Variants in WNT7B observed in about 807,000 individuals in gnomAD.
WNT7B encodes Wnt family member 7B.
In WNT7B, 19 loss-of-function variants were observed where a neutral mutation model predicts 38.2. The observed-to-expected ratio is 0.50, with a 90% CI of 0.35 to 0.73. The LOEUF is 0.73. Among genes scored for constraint, WNT7B ranks in the 30% least tolerant of loss-of-function variants. The probability of loss-of-function intolerance (pLI) is 0.01; values close to 1 mark genes in which losing one functional copy is unlikely to be tolerated. For synonymous variants in WNT7B, 243 were observed against 209.3 expected (o/e 1.16, Z -1.39); for missense variants, 423 against 507.9 (o/e 0.83, Z 1.61).
At chr22:45,973,560 C>G (rs1007826165) in intron 1 of WNT7B, among the ~76,000 whole-genome samples, 3 of 152,184 alleles carry the variant, frequency 2.0e-5, no homozygotes, top group Non-Finnish European at 4.4e-5. Context: ...CAGGGCTGGT[C>G]CTAGAACTGC....
chr22:45,972,116 G>GGGCCCCCCCCCCCCCCCCCCCCC, intron 1 of WNT7B: 4 of 530,722 alleles, frequency 7.5e-6, no homozygotes, highest in Non-Finnish European at 9.9e-6. Flanking sequence ...CCCGGGGGGA[G>GGGCCCCCCCCCCCCCCCCCCCCC]CCCACCCGCC....
At chr22:45,949,019 T>G (rs1350210405) in intron 2 of WNT7B, among the ~76,000 whole-genome samples, 3 of 151,882 alleles carry the variant, frequency 2.0e-5, no homozygotes, top group Non-Finnish European at 4.4e-5. Context: ...TTAGTAGAGA[T>G]GGGGTTTCAC....
chr22:45,959,847 C>T (rs562857652), intron 1 of WNT7B, among the ~76,000 whole-genome samples: 1 of 152,274 alleles, frequency 6.6e-6, no homozygotes, highest in Admixed American at 6.5e-5. Flanking sequence ...GGCAGCTCTC[C>T]GTGGGGGAGA....
intron 2 of WNT7B, among the ~76,000 whole-genome samples, chr22:45,935,348 G>A (rs564550920): frequency 6.6e-6 from 1 of 152,268 alleles, no homozygotes; most frequent in Non-Finnish European, 1.5e-5. Context: ...ACCGCTCCTC[G>A]CCCACCACTG....
chr22:45,940,934 T>C (rs915434139), intron 2 of WNT7B, among the ~76,000 whole-genome samples: 5 of 152,108 alleles, frequency 3.3e-5, no homozygotes, highest in African/African-American at 1.2e-4. Flanking sequence ...CAGAGATCAG[T>C]GATGATGAAG....
At chr22:45,972,116 G>GGGGGGGGGGCCCCCCCCC in intron 1 of WNT7B, 9 of 530,740 alleles carry the variant, frequency 1.7e-5, no homozygotes, top group East Asian at 7.4e-5. Flanking sequence ...CCCGGGGGGA[G>GGGGGGGGGGCCCCCCCCC]CCCACCCGCC....
At chr22:45,924,852 G>A (rs113003068) in intron 3 of WNT7B, among the ~76,000 whole-genome samples, 8,554 of 141,130 alleles carry the variant, frequency 0.061, 310 homozygotes, top group South Asian at 0.088. Flanking sequence ...GGGCCCTAGA[G>A]TGGCAGGTGG....
At chr22:45,925,938 T>C in intron 3 of WNT7B, 1 of 985,358 alleles carries the variant, frequency 1.0e-6, no homozygotes, top group Non-Finnish European at 1.2e-6. Context: ...CCAGGATGGC[T>C]GCCCCTGGTA....
At chr22:45,926,580 G>A (rs55876019) in intron 3 of WNT7B, 125,432 of 985,296 alleles carry the variant, frequency 0.13, 8,110 homozygotes, top group East Asian at 0.21. Flanking sequence ...CCGATATTCC[G>A]GCCACTGGGG....
intron 1 of WNT7B, among the ~76,000 whole-genome samples, chr22:45,970,133 G>T (rs1341863868): frequency 6.6e-6 from 1 of 152,264 alleles, no homozygotes; most frequent in African/African-American, 2.4e-5. Context: ...CCCTCACTCC[G>T]GGAACGTGTC....
chr22:45,933,991 C>T (rs186021565), intron 2 of WNT7B, among the ~76,000 whole-genome samples: 24 of 152,336 alleles, frequency 1.6e-4, no homozygotes, highest in African/African-American at 4.8e-4. Flanking sequence ...ATTCAGAGGC[C>T]GGTCGGCACC....
intron 1 of WNT7B, among the ~76,000 whole-genome samples, chr22:45,963,828 G>C (rs558242459): frequency 6.6e-6 from 1 of 152,134 alleles, no homozygotes; most frequent in South Asian, 2.1e-4. Context: ...CTCCAAGGCT[G>C]CTCCAAAGCA....
chr22:45,970,868 C>G (rs1199561599), intron 1 of WNT7B, among the ~76,000 whole-genome samples: 1 of 152,250 alleles, frequency 6.6e-6, no homozygotes, highest in Non-Finnish European at 1.5e-5. Flanking sequence ...CGCATGCGCC[C>G]TGCTGCCCCG....
In WNT7B at chr22:45,921,329, G is replaced by A. The variant is rs536156921; in HGVS notation, c.*1527C>T. On this transcript the variant is annotated 3_prime_UTR_variant, in exon 4 of 4. Coordinates refer to ENST00000339464, the MANE Select transcript of WNT7B (RefSeq NM_058238.3). ...TAAAAGGACCAGGACAGGGCTAGGC[G>A]AAGCCTCAAAGGCACCGAGGGGAGT... 4 of 152,470 alleles carry A rather than the reference G, an allele frequency of 2.6e-5. No homozygotes were observed. In the South Asian group the frequency reaches 8.3e-4, roughly 32 times the overall value. 9.4% of individuals were successfully genotyped at this position (152,470 alleles called of 1,614,324 possible). A position where few individuals can be genotyped will look rare whatever the true frequency, so the allele number is the denominator to read the frequency against.
At chr22:45,972,139 C>T (rs1265524815) in intron 1 of WNT7B, 8 of 612,614 alleles carry the variant, frequency 1.3e-5, no homozygotes, top group Admixed American at 2.8e-5. Context: ...CCCCGCACGC[C>T]GCCCGCGGCA....
In WNT7B at chr22:45,963,825, G is replaced by A. The variant is rs369858705; in HGVS notation, c.71+12859C>T. Among the ~76,000 whole-genome samples the A allele has an allele frequency of 3.9e-5, 6 of 151,984 alleles. No individual in the cohort carries two copies. In the East Asian group the frequency reaches 5.8e-4, roughly 15 times the overall value. On this transcript the variant is annotated intron_variant, in intron 1 of 3. Coordinates refer to ENST00000339464, the MANE Select transcript of WNT7B (RefSeq NM_058238.3). ...GGACCAGCCCCAGCCACCCTCCAAG[G>A]CTGCTCCAAAGCAGGGGACTCCCGC...
intron 2 of WNT7B, among the ~76,000 whole-genome samples, chr22:45,938,764 C>G (rs552812627): frequency 7.2e-5 from 11 of 152,148 alleles, no homozygotes; most frequent in Non-Finnish European, 8.8e-5. Context: ...GAAGAGAGAA[C>G]TGGAAATGTT....
At chr22:45,963,141 C>T (rs1006797126) in intron 1 of WNT7B, among the ~76,000 whole-genome samples, 5 of 152,218 alleles carry the variant, frequency 3.3e-5, no homozygotes, top group African/African-American at 1.2e-4. Flanking sequence ...ATGCCTGGGC[C>T]ACACAGCATC....
chr22:45,966,491 T>A lies in WNT7B; in HGVS notation c.71+10193A>T, dbSNP rs1168054140. On this transcript the variant is annotated intron_variant, in intron 1 of 3. Transcript: ENST00000339464. This position sits in a 1 kb window ranked among gnomAD's most constrained non-coding sequence, Gnocchi z 4.2. The stretch of plus-strand genomic sequence containing the variant: ...AGTGCGGGAGGGCTCCAGAAAGCGA[T>A]AGAGGCCTGCAGGGGTCATGGGATA... Among the ~76,000 whole-genome samples the A allele has an allele frequency of 6.6e-6, 1 of 152,164 alleles. No homozygotes were observed. Among genetic ancestry groups the A allele is most frequent in the African/African-American group, 2.4e-5 (1 of 41,440 alleles).
Sources: allele counts gnomAD v4.1 joint callset (sites outside exome capture counted in the v4.1 genomes callset), GRCh38; gene constraint gnomAD v4.1.1; non-coding constraint Gnocchi (gnomAD v3.1); transcripts MANE v1.5; gene names NCBI Gene and HGNC (gene_info 2026-07-23, HGNC 2026-07-21).